ADGRB3: variants seen among roughly 807,000 people sequenced by gnomAD.
The protein encoded by ADGRB3 is brain-specific angiogenesis inhibitor 3.
In ADGRB3, 37 loss-of-function variants were observed where a neutral mutation model predicts 193.4. That is an observed-to-expected ratio of 0.19 (90% CI 0.15 to 0.25). The LOEUF (loss-of-function observed/expected upper bound fraction) is 0.25. Among genes scored for constraint, ADGRB3 ranks in the 10% least tolerant of loss-of-function variants. The probability of loss-of-function intolerance (pLI) is 1.00; values close to 1 mark genes in which losing one functional copy is unlikely to be tolerated. For missense variants in ADGRB3, 1,637 were observed against 1,852.9 expected (o/e 0.88, Z 2.14); for synonymous variants, 690 against 644.2 (o/e 1.07, Z -1.08).
chr6:69,234,801 T>C (rs971305228), intron 18 of ADGRB3, among the ~76,000 whole-genome samples: 3 of 152,116 alleles, frequency 2.0e-5, no homozygotes, highest in African/African-American at 7.2e-5. Flanking sequence ...TAGCCCACCA[T>C]TTAAAACTCT....
At position 69,373,697 on chromosome 6, in the gene ADGRB3, T is replaced by C. The variant is rs1350829146; in HGVS notation, c.4275+1256T>C. Among the ~76,000 whole-genome samples, 3 of 152,132 alleles carry C rather than the reference T, an allele frequency of 2.0e-5. No homozygotes were observed. The East Asian group carries it at 5.8e-4, about 29-fold the overall frequency. On this transcript the variant is annotated intron_variant, in intron 30 of 31. Transcript: ENST00000370598. ...ACAGATATTTTATAGCTTTTTAATATTAATTCTTCAGGTAGCCAAAAATAG... is the reference window on the plus strand; with the variant it reads ...ACAGATATTTTATAGCTTTTTAATACTAATTCTTCAGGTAGCCAAAAATAG...
At chr6:69,078,345 A>G (rs1369991960) in intron 17 of ADGRB3, among the ~76,000 whole-genome samples, 1 of 152,010 alleles carries the variant, frequency 6.6e-6, no homozygotes, top group Non-Finnish European at 1.5e-5. Flanking sequence ...GGGCCTCCAC[A>G]TCCACCCATA....
chr6:69,071,894 T>C (rs532370), intron 16 of ADGRB3, among the ~76,000 whole-genome samples: 145,710 of 152,152 alleles, frequency 0.96, 70,056 homozygotes, highest in East Asian at 1. Context: ...GGGCTACTTC[T>C]CATTATTGAT....
intron 2 of ADGRB3, among the ~76,000 whole-genome samples, chr6:68,637,945 C>T (rs916798642): frequency 1.4e-4 from 21 of 152,140 alleles, no homozygotes; most frequent in Admixed American, 7.9e-4. Flanking sequence ...AACAAGTCTT[C>T]CCTATGTATT....
chr6:68,715,571 A>C (rs1765475930), intron 3 of ADGRB3, among the ~76,000 whole-genome samples: 1 of 151,688 alleles, frequency 6.6e-6, no homozygotes, highest in African/African-American at 2.4e-5. Context: ...TTCTCCCACT[A>C]ATCTTCCATG....
intron 3 of ADGRB3, among the ~76,000 whole-genome samples, chr6:68,802,150 C>T (rs1767323502): frequency 6.6e-6 from 1 of 151,740 alleles, no homozygotes; most frequent in Non-Finnish European, 1.5e-5. Context: ...AGGCTATTTC[C>T]TTTTCCAATA....
intron 4 of ADGRB3, among the ~76,000 whole-genome samples, chr6:68,933,343 G>A (rs1340944573): frequency 1.3e-5 from 2 of 152,098 alleles, no homozygotes; most frequent in African/African-American, 2.4e-5. Context: ...TGCAATCCTA[G>A]CACTTTGTCA....
At chr6:68,971,552 G>A (rs927612170) in intron 8 of ADGRB3, among the ~76,000 whole-genome samples, 12 of 152,228 alleles carry the variant, frequency 7.9e-5, no homozygotes, top group Admixed American at 2.6e-4. Context: ...ACAGGAGGAA[G>A]AGCGTAGGTT....
At chr6:69,225,368 T>G (rs1013763169) in intron 17 of ADGRB3, among the ~76,000 whole-genome samples, 1 of 152,214 alleles carries the variant, frequency 6.6e-6, no homozygotes, top group African/African-American at 2.4e-5. Flanking sequence ...CCACTTATTT[T>G]CTGTGAGATA....
chr6:68,861,857 G>A (rs1410351956), intron 3 of ADGRB3, among the ~76,000 whole-genome samples: 1 of 152,118 alleles, frequency 6.6e-6, no homozygotes, highest in Non-Finnish European at 1.5e-5. Flanking sequence ...GTGTCCTCAT[G>A]AACTAGATAA....
At chr6:68,726,586 G>A (rs1435568388) in intron 3 of ADGRB3, among the ~76,000 whole-genome samples, 1 of 151,516 alleles carries the variant, frequency 6.6e-6, no homozygotes, top group Admixed American at 6.6e-5. Flanking sequence ...TGTGGACAGG[G>A]CACAGAAAAT....
At chr6:69,316,271 T>C (rs991898538) in intron 20 of ADGRB3, among the ~76,000 whole-genome samples, 1 of 151,546 alleles carries the variant, frequency 6.6e-6, no homozygotes, top group East Asian at 1.9e-4. Context: ...CTCATCACTG[T>C]AATAATAAAA....
chr6:68,680,480 T>C (rs1764875541), intron 3 of ADGRB3, among the ~76,000 whole-genome samples: 1 of 152,116 alleles, frequency 6.6e-6, no homozygotes, highest in South Asian at 2.1e-4. Flanking sequence ...GGTAACGGCC[T>C]TTAGAGCATT....
At chr6:69,013,167 A>C (rs1562121658) in intron 11 of ADGRB3, among the ~76,000 whole-genome samples, 1 of 152,046 alleles carries the variant, frequency 6.6e-6, no homozygotes, top group Non-Finnish European at 1.5e-5. Context: ...AAGGGAAAGA[A>C]AAGTCTCTCT....
chr6:69,280,949 A>G (rs940876864), intron 20 of ADGRB3, among the ~76,000 whole-genome samples: 1 of 152,232 alleles, frequency 6.6e-6, no homozygotes, highest in Non-Finnish European at 1.5e-5. Context: ...TCTGCTTTCT[A>G]TCAAACTAAA....
chr6:69,265,599 T>A (rs1244391137), intron 20 of ADGRB3, among the ~76,000 whole-genome samples: 1 of 152,020 alleles, frequency 6.6e-6, no homozygotes, highest in Non-Finnish European at 1.5e-5. Flanking sequence ...AAATTACGTG[T>A]TCCAAAAATA....
At chr6:68,815,603 TTGTGTGTGTGTGTGTGTG>T (rs5877170) in intron 3 of ADGRB3, among the ~76,000 whole-genome samples, 1 of 137,200 alleles carries the variant, frequency 7.3e-6, no homozygotes, top group African/African-American at 2.5e-5. Context: ...CCATCAAAAA[TTGTGTGTGTGTGTGTGTG>T]TGTGTGTGTG....
chr6:68,883,951 G>A (rs1765819756), intron 3 of ADGRB3, among the ~76,000 whole-genome samples: 1 of 152,114 alleles, frequency 6.6e-6, no homozygotes, highest in Non-Finnish European at 1.5e-5. Context: ...TACTTCCAAG[G>A]TTGCTGTCCT....
At chr6:69,374,761 G>T (rs548077997) in intron 30 of ADGRB3, among the ~76,000 whole-genome samples, 120 of 152,088 alleles carry the variant, frequency 7.9e-4, no homozygotes, top group African/African-American at 2.9e-3. Context: ...AGAGATCCTA[G>T]TACCTAGTAA....
Sources: allele counts gnomAD v4.1 joint callset (sites outside exome capture counted in the v4.1 genomes callset), GRCh38; gene constraint gnomAD v4.1.1; transcripts MANE v1.5; gene names NCBI Gene and HGNC (gene_info 2026-07-23, HGNC 2026-07-21).